The following PRKAG2 variants were observed in gnomAD, a reference collection of about 807,000 sequenced individuals.
The protein encoded by PRKAG2 is 5'-AMP-activated protein kinase subunit gamma-2.
PRKAG2 carries 26 observed loss-of-function variants against 69.6 expected under a neutral mutation model. The observed-to-expected ratio is 0.37, with a 90% CI of 0.27 to 0.52. The LOEUF (loss-of-function observed/expected upper bound fraction) is 0.52. PRKAG2 is among the 20% of genes least tolerant of loss of function. The pLI is 0.90. For synonymous variants in PRKAG2, 293 were observed against 285.0 expected (o/e 1.03, Z -0.28); for missense variants, 557 against 740.0 (o/e 0.75, Z 2.87).
chr7:151,561,792 A>G (rs9942590), intron 14 of PRKAG2, among the ~76,000 whole-genome samples: 16,644 of 151,720 alleles, frequency 0.11, 2,381 homozygotes, highest in African/African-American at 0.33. Flanking sequence ...AATTAGCCAG[A>G]AGTGCTGGTG....
intron 3 of PRKAG2, among the ~76,000 whole-genome samples, chr7:151,769,712 A>G (rs761556489): frequency 6.6e-6 from 1 of 152,210 alleles, no homozygotes; most frequent in Non-Finnish European, 1.5e-5. Context: ...CCTGTGGGCC[A>G]TGAAGGCACG....
At chr7:151,568,619 TTTC>T (rs1294588841) in intron 11 of PRKAG2, 94 bp downstream of exon 11, 33 of 1,362,192 alleles carry the variant, frequency 2.4e-5, no homozygotes, top group Non-Finnish European at 3.3e-5. Flanking sequence ...AAACTAACAA[TTTC>T]TTCTACTGAG....
At chr7:151,827,556 A>C (rs1435868568) in intron 1 of PRKAG2, among the ~76,000 whole-genome samples, 3 of 152,018 alleles carry the variant, frequency 2.0e-5, no homozygotes, top group African/African-American at 7.2e-5. Flanking sequence ...GGGTTTATTA[A>C]ATGTCCCTCA....
intron 4 of PRKAG2, among the ~76,000 whole-genome samples, chr7:151,633,702 T>C (rs907368068): frequency 5.3e-5 from 8 of 152,022 alleles, no homozygotes; most frequent in African/African-American, 1.7e-4. Context: ...CAAGAAACCA[T>C]GTATAGTAGC....
rs1563658107 is a variant in PRKAG2 at position 151,781,046 on chromosome 7, C to A, written c.466+106G>T. 5 of 1,484,370 alleles carry A rather than the reference C, an allele frequency of 3.4e-6. No homozygotes were observed. In the Admixed American group the frequency reaches 8.4e-5, roughly 25 times the overall value. 91.9% of individuals were successfully genotyped at this position (1,484,370 alleles called of 1,614,324 possible). On this transcript the variant is annotated intron_variant, in intron 3 of 15. Transcript: ENST00000287878. The surrounding 1 kb of genome is among the most constrained non-coding windows in gnomAD (Gnocchi z 6.1). ...ACAGATACAGGCACTCAGCACCAAGCTGCTCACAGCCACCTGGCAGCTTCG... is the reference window on the plus strand; with the variant it reads ...ACAGATACAGGCACTCAGCACCAAGATGCTCACAGCCACCTGGCAGCTTCG...
At chr7:151,825,948 G>A (rs944881843) in intron 1 of PRKAG2, among the ~76,000 whole-genome samples, 1 of 152,138 alleles carries the variant, frequency 6.6e-6, no homozygotes, top group Non-Finnish European at 1.5e-5. Flanking sequence ...AGCATCCAGG[G>A]TGACCAATTA....
intron 9 of PRKAG2, among the ~76,000 whole-genome samples, chr7:151,572,248 T>C (rs1039983839): frequency 3.9e-5 from 6 of 152,222 alleles, no homozygotes; most frequent in African/African-American, 1.4e-4. Flanking sequence ...AAAGAAACAA[T>C]TACTAGGTTT....
At position 151,814,318 on chromosome 7, in the gene PRKAG2, A is replaced by G; in HGVS notation, c.115-27777T>C. On this transcript the variant is annotated intron_variant, in intron 1 of 15. Coordinates refer to ENST00000287878, the MANE Select transcript of PRKAG2 (RefSeq NM_016203.4). The surrounding 1 kb of genome is among the most constrained non-coding windows in gnomAD (Gnocchi z 4.8). ...AGCCACAATTCAGCATCAGTCTTAC[A>G]CACCAAGGAGACAAAGCATCGTGAG... is the stretch of plus-strand genomic sequence containing the variant. 1 of 853,180 alleles carries G rather than the reference A, an allele frequency of 1.2e-6. No individual in the cohort carries two copies. The highest frequency in any genetic ancestry group is 5.9e-5 in the South Asian group (1 of 16,932). 52.9% of individuals were successfully genotyped at this position (853,180 alleles called of 1,614,324 possible). A position where few individuals can be genotyped will look rare whatever the true frequency, so the allele number is the denominator to read the frequency against.
intron 4 of PRKAG2, among the ~76,000 whole-genome samples, chr7:151,673,706 G>C (rs75006832): frequency 0.059 from 8,995 of 152,192 alleles, 714 homozygotes; most frequent in African/African-American, 0.18. Context: ...AGATTGGACC[G>C]TATCTCCTAA....
At chr7:151,728,932 C>T (rs1798447584) in intron 3 of PRKAG2, among the ~76,000 whole-genome samples, 2 of 152,112 alleles carry the variant, frequency 1.3e-5, no homozygotes, top group South Asian at 4.2e-4. Flanking sequence ...GAAAGGGGCA[C>T]TTGACCGTGA....
chr7:151,630,585 A>T lies in PRKAG2; in HGVS notation c.754+1484T>A, dbSNP rs1018258133. ...AACTTGTCCAAGGTCACACAGCTAA[A>T]TAAGTAGTAGCGATTCCTCTCGAAC... On this transcript the variant is annotated intron_variant, in intron 5 of 15. Transcript: ENST00000287878. Among the ~76,000 whole-genome samples, 5 of 152,174 alleles carry T rather than the reference A, an allele frequency of 3.3e-5. No individual in the cohort carries two copies. The East Asian group carries it at 7.7e-4, about 23-fold the overall frequency.
intron 3 of PRKAG2, among the ~76,000 whole-genome samples, chr7:151,728,089 G>C (rs1010852313): frequency 5.3e-5 from 8 of 152,120 alleles, no homozygotes; most frequent in African/African-American, 9.7e-5. Flanking sequence ...CCACGGGCCT[G>C]ACCGGGAGGG....
At chr7:151,795,890 T>TACATAA (rs1491286413) in intron 1 of PRKAG2, among the ~76,000 whole-genome samples, 1 of 96,604 alleles carries the variant, frequency 1.0e-5, no homozygotes, top group African/African-American at 4.4e-5. Context: ...TATATATATA[T>TACATAA]CACGATAATA....
intron 4 of PRKAG2, among the ~76,000 whole-genome samples, chr7:151,673,247 G>GTC (rs1371096028): frequency 6.6e-6 from 1 of 152,128 alleles, no homozygotes; most frequent in Admixed American, 6.5e-5. Flanking sequence ...TCAAACCACT[G>GTC]TCTCTTCTTA....
At chr7:151,611,108 A>G (rs1818722875) in intron 5 of PRKAG2, among the ~76,000 whole-genome samples, 1 of 152,116 alleles carries the variant, frequency 6.6e-6, no homozygotes, top group Non-Finnish European at 1.5e-5. Context: ...TAAATAAGTC[A>G]TTTTTTATAT....
At chr7:151,855,328 CCGCCCTCCACACA>C in intron 1 of PRKAG2, among the ~76,000 whole-genome samples, 1 of 85,360 alleles carries the variant, frequency 1.2e-5, no homozygotes, top group Admixed American at 1.5e-4. Context: ...CTCCCACACA[CCGCCCTCCACACA>C]CACCATGCTC....
chr7:151,655,706 C>CT (rs778405475), intron 4 of PRKAG2, among the ~76,000 whole-genome samples: 37 of 152,192 alleles, frequency 2.4e-4, no homozygotes, highest in Non-Finnish European at 4.7e-4. Flanking sequence ...GCCCTGTGTG[C>CT]TGTGAAACAT....
chr7:151,755,564 A>G (rs2151746270), intron 3 of PRKAG2, among the ~76,000 whole-genome samples: 1 of 152,226 alleles, frequency 6.6e-6, no homozygotes, highest in Admixed American at 6.5e-5. Flanking sequence ...TGTTTTAAAA[A>G]CAGGAGTTGG....
intron 5 of PRKAG2, among the ~76,000 whole-genome samples, chr7:151,604,788 C>T (rs73158124): frequency 0.2 from 30,323 of 152,068 alleles, 3,832 homozygotes; most frequent in African/African-American, 0.35. Flanking sequence ...AGCATCTCCT[C>T]GGGCTCCTCC....
Sources: gnomAD v4.1 joint callset for allele counts (sites outside exome capture counted in the v4.1 genomes callset) on GRCh38, gnomAD v4.1.1 for gene constraint, Gnocchi (gnomAD v3.1) non-coding constraint, MANE v1.5 for transcripts, NCBI Gene and HGNC (gene_info 2026-07-23, HGNC 2026-07-21) for gene names.